Variants in GRHL2 observed in about 807,000 individuals in gnomAD.
The protein encoded by GRHL2 is grainyhead-like protein 2 homolog.
In GRHL2, 21 loss-of-function variants were observed where a neutral mutation model predicts 83.8. That is an observed-to-expected ratio of 0.25 (90% CI 0.18 to 0.36). GRHL2 has a LOEUF of 0.36. GRHL2 is among the 10% of genes least tolerant of loss of function. The pLI, the probability that GRHL2 is intolerant of heterozygous loss-of-function variation, is 1.00. For synonymous variants in GRHL2, 280 were observed against 278.9 expected (o/e 1.00, Z -0.04); for missense variants, 623 against 781.8 (o/e 0.80, Z 2.42).
chr8:101,621,732 A>G (rs1322035587), intron 9 of GRHL2, among the ~76,000 whole-genome samples: 1 of 152,072 alleles, frequency 6.6e-6, no homozygotes, highest in Non-Finnish European at 1.5e-5. Flanking sequence ...CCCTGTCTCT[A>G]CAAAAAAATG....
intron 14 of GRHL2, among the ~76,000 whole-genome samples, chr8:101,652,510 G>GGT (rs1813679276): frequency 2.7e-5 from 2 of 73,118 alleles, no homozygotes; most frequent in Non-Finnish European, 5.0e-5. Flanking sequence ...GTGTGTGTGT[G>GGT]GTGTGTGTGT....
At chr8:101,585,936 G>C (rs1812154638) in intron 7 of GRHL2, among the ~76,000 whole-genome samples, 1 of 152,066 alleles carries the variant, frequency 6.6e-6, no homozygotes, top group Middle Eastern at 3.4e-3. Context: ...TGATGGGGGT[G>C]GTCCTCGGGC....
chr8:101,551,904 C>T (rs57855970), intron 2 of GRHL2, among the ~76,000 whole-genome samples: 3,554 of 150,654 alleles, frequency 0.024, 135 homozygotes, highest in African/African-American at 0.076. Flanking sequence ...GGCGCGATCT[C>T]GGCTCACTGC....
intron 1 of GRHL2, among the ~76,000 whole-genome samples, chr8:101,532,389 G>T (rs538221099): frequency 1.1e-4 from 16 of 152,132 alleles, no homozygotes; most frequent in African/African-American, 1.4e-4. Flanking sequence ...GTAATCAGCC[G>T]TAGTGAATCA....
At chr8:101,507,360 CATTAA>C (rs1353690896) in intron 1 of GRHL2, among the ~76,000 whole-genome samples, 1 of 152,074 alleles carries the variant, frequency 6.6e-6, no homozygotes, top group Non-Finnish European at 1.5e-5. Flanking sequence ...GGATTTTACT[CATTAA>C]ATTTTTTTCT....
At chr8:101,645,890 T>A (rs1813502875) in intron 13 of GRHL2, among the ~76,000 whole-genome samples, 1 of 152,170 alleles carries the variant, frequency 6.6e-6, no homozygotes, top group Non-Finnish European at 1.5e-5. Flanking sequence ...AAAAATTTTT[T>A]TTTGAGACAG....
intron 7 of GRHL2, among the ~76,000 whole-genome samples, chr8:101,596,668 A>C (rs193027017): frequency 1.3e-4 from 20 of 152,374 alleles, no homozygotes; most frequent in Admixed American, 1.2e-3. Flanking sequence ...AATAATTGTT[A>C]CAGTATTGTA....
chr8:101,541,951 A>G (rs1286906827), intron 1 of GRHL2, among the ~76,000 whole-genome samples: 1 of 152,172 alleles, frequency 6.6e-6, no homozygotes, highest in African/African-American at 2.4e-5. Context: ...TGTAGCTTGT[A>G]GTTTTTATAT....
chr8:101,657,233 C>G (rs982060472), intron 14 of GRHL2, among the ~76,000 whole-genome samples: 1 of 152,168 alleles, frequency 6.6e-6, no homozygotes, highest in Admixed American at 6.5e-5. Context: ...ACATAAAAAT[C>G]ATTAAACGTA....
chr8:101,676,501 C>G, the GRHL2 span, among the ~76,000 whole-genome samples: 1 of 152,148 alleles, frequency 6.6e-6, no homozygotes, highest in Non-Finnish European at 1.5e-5. Flanking sequence ...CACATCAAAA[C>G]CACAATGAGA....
chr8:101,582,512 C>T (rs2130258189), intron 7 of GRHL2, among the ~76,000 whole-genome samples: 1 of 152,302 alleles, frequency 6.6e-6, no homozygotes, highest in East Asian at 1.9e-4. Flanking sequence ...CCTGATTAAG[C>T]TGTTTCTATG....
At chr8:101,588,893 C>T (rs1258604488) in intron 7 of GRHL2, among the ~76,000 whole-genome samples, 1 of 152,180 alleles carries the variant, frequency 6.6e-6, no homozygotes, top group Non-Finnish European at 1.5e-5. Context: ...ACTTCAGAAA[C>T]AGTTCAGTTT....
chr8:101,605,886 T>G (rs1812623115), intron 8 of GRHL2, among the ~76,000 whole-genome samples: 1 of 152,218 alleles, frequency 6.6e-6, no homozygotes, highest in African/African-American at 2.4e-5. Flanking sequence ...CATCTATTCT[T>G]CATTTCCCCC....
intron 1 of GRHL2, among the ~76,000 whole-genome samples, chr8:101,513,980 C>T (rs910887388): frequency 3.9e-5 from 6 of 152,188 alleles, no homozygotes; most frequent in African/African-American, 9.6e-5. Context: ...GTGTATCTGC[C>T]GAGGCTTTCA....
chr8:101,612,508 G>GATACATACATAC (rs1263240211), intron 8 of GRHL2, among the ~76,000 whole-genome samples: 1 of 128,536 alleles, frequency 7.8e-6, no homozygotes, highest in Non-Finnish European at 1.6e-5. Flanking sequence ...TAGATAGATA[G>GATACATACATAC]ATAGATAGAT....
In GRHL2 at chr8:101,582,954, C is replaced by T. The variant is rs116902609; in HGVS notation, c.1003+5435C>T. Among the ~76,000 whole-genome samples the T allele has an allele frequency of 2.2e-3, 337 of 152,124 alleles. 6 individuals carry two copies. In the East Asian group the frequency reaches 0.056, roughly 25 times the overall value. On this transcript the variant is annotated intron_variant, in intron 7 of 15. Coordinates refer to ENST00000646743, the MANE Select transcript of GRHL2 (RefSeq NM_024915.4). ...TTGAATGAAGCAGATTTTAGAGATC[C>T]AAGATGTGTAAGAGAGGGTAATAAT...
chr8:101,662,186 AAC>A (rs1813935724), intron 14 of GRHL2, among the ~76,000 whole-genome samples: 1 of 152,240 alleles, frequency 6.6e-6, no homozygotes, highest in Non-Finnish European at 1.5e-5. Context: ...TGATGCCTCC[AAC>A]AGAAGTTCTG....
chr8:101,567,232 T>A (rs926892913), intron 4 of GRHL2, among the ~76,000 whole-genome samples: 1 of 152,234 alleles, frequency 6.6e-6, no homozygotes, highest in African/African-American at 2.4e-5. Context: ...ATCTATCAAG[T>A]ATATGTTAGC....
At chr8:101,663,024 A>G (rs1813956582) in intron 14 of GRHL2, among the ~76,000 whole-genome samples, 1 of 152,168 alleles carries the variant, frequency 6.6e-6, no homozygotes, top group Non-Finnish European at 1.5e-5. Flanking sequence ...TTTAAGTGTG[A>G]ATTATCAAAA....
Sources: allele counts gnomAD v4.1 joint callset (sites outside exome capture counted in the v4.1 genomes callset), GRCh38; gene constraint gnomAD v4.1.1; transcripts MANE v1.5; gene names NCBI Gene and HGNC (gene_info 2026-07-23, HGNC 2026-07-21).